The following SUGCT variants were observed in gnomAD, a reference collection of about 807,000 sequenced individuals.
The protein encoded by SUGCT is succinyl-CoA:glutarate CoA-transferase.
A neutral mutation model predicts 55.0 loss-of-function variants in SUGCT; 41 were observed. The observed-to-expected ratio is 0.74, with a 90% CI of 0.58 to 0.97. The LOEUF (loss-of-function observed/expected upper bound fraction) is 0.97, where lower values mean the gene tolerates loss of function less well. Among genes scored for constraint, SUGCT ranks in the 50% least tolerant of loss-of-function variants. The pLI, the probability that SUGCT is intolerant of heterozygous loss-of-function variation, is 0.00. For missense variants in SUGCT, 568 were observed against 547.8 expected, an observed-to-expected ratio of 1.04 and a Z score of -0.37; for synonymous variants, 187 against 200.4, an observed-to-expected ratio of 0.93 and a Z score of 0.56.
chr7:40,430,542 T>C lies in SUGCT; in HGVS notation c.817-18745T>C, dbSNP rs28788189. On this transcript the variant is annotated intron_variant, in intron 9 of 13. Coordinates refer to ENST00000335693, the MANE Select transcript of SUGCT (RefSeq NM_001193313.2). ...TTCCATTATTGAGTTGCGTGAACTC[T>C]TTATCAATTTTAGATCTTAACCTCT... 3.8e-3 allele frequency among the ~76,000 whole-genome samples: 574 copies of C among 152,298 alleles called. 4 individuals are homozygous for C. The highest frequency in any genetic ancestry group is 0.013 in the African/African-American group (546 of 41,572).
the SUGCT span, among the ~76,000 whole-genome samples, chr7:40,924,139 C>T: frequency 1.3e-5 from 2 of 152,178 alleles, no homozygotes; most frequent in African/African-American, 4.8e-5. Flanking sequence ...ACTTTCCAGC[C>T]TCCAGAACTG....
intron 1 of SUGCT, among the ~76,000 whole-genome samples, chr7:40,171,740 G>A (rs1005172073): frequency 5.3e-5 from 8 of 152,180 alleles, no homozygotes; most frequent in East Asian, 1.9e-4. Context: ...TGGGCCATCC[G>A]CAGGTTAGTG....
At chr7:40,633,021 A>G (rs1268315399) in intron 12 of SUGCT, among the ~76,000 whole-genome samples, 5 of 152,224 alleles carry the variant, frequency 3.3e-5, no homozygotes, top group African/African-American at 1.2e-4. Flanking sequence ...TTATGGGAAC[A>G]CAATATGTGC....
At chr7:40,910,767 C>T in the SUGCT span, among the ~76,000 whole-genome samples, 1 of 152,198 alleles carries the variant, frequency 6.6e-6, no homozygotes, top group African/African-American at 2.4e-5. Flanking sequence ...CTATACCTCT[C>T]TATGACCAGC....
intron 8 of SUGCT, among the ~76,000 whole-genome samples, chr7:40,307,447 T>C (rs1225701662): frequency 6.6e-6 from 1 of 152,168 alleles, no homozygotes; most frequent in East Asian, 1.9e-4. Flanking sequence ...TGATTCTGTA[T>C]CTAGTGTAGA....
intron 12 of SUGCT, among the ~76,000 whole-genome samples, chr7:40,696,679 C>T (rs1435425274): frequency 1.3e-5 from 2 of 152,196 alleles, no homozygotes; most frequent in Non-Finnish European, 2.9e-5. Flanking sequence ...GTCTCTTTCT[C>T]TCCTGACTGT....
At chr7:40,763,363 G>T (rs1788631938) in intron 13 of SUGCT, among the ~76,000 whole-genome samples, 1 of 152,118 alleles carries the variant, frequency 6.6e-6, no homozygotes, top group Non-Finnish European at 1.5e-5. Flanking sequence ...GCCCGAGGAA[G>T]GTCACATAAC....
the SUGCT span, among the ~76,000 whole-genome samples, chr7:40,946,588 T>G: frequency 6.6e-6 from 1 of 152,232 alleles, no homozygotes; most frequent in African/African-American, 2.4e-5. Flanking sequence ...TTTATTTCAT[T>G]CTAAAGGGCT....
chr7:40,444,732 T>G (rs2151419885), intron 9 of SUGCT, among the ~76,000 whole-genome samples: 1 of 152,308 alleles, frequency 6.6e-6, no homozygotes, highest in East Asian at 1.9e-4. Flanking sequence ...TCTTGCCTGA[T>G]TGCCCTGGCC....
chr7:40,679,104 C>G (rs374031372), intron 12 of SUGCT, among the ~76,000 whole-genome samples: 21 of 152,288 alleles, frequency 1.4e-4, no homozygotes, highest in African/African-American at 5.1e-4. Flanking sequence ...CATTGGGCTT[C>G]CCATATTCTT....
chr7:40,384,933 A>G (rs1420633165), intron 9 of SUGCT, among the ~76,000 whole-genome samples: 1 of 152,180 alleles, frequency 6.6e-6, no homozygotes, highest in East Asian at 1.9e-4. Context: ...GTAAACAAAG[A>G]TAGGCTCTTT....
chr7:40,135,216 C>T (rs1046656885), intron 1 of SUGCT, 96 bp downstream of exon 1: 2 of 1,367,714 alleles, frequency 1.5e-6, no homozygotes, highest in East Asian at 5.7e-5. Flanking sequence ...TCTGAAGTCT[C>T]TGCTGACCCC....
intron 6 of SUGCT, among the ~76,000 whole-genome samples, chr7:40,219,424 A>C (rs1224475991): frequency 6.6e-6 from 1 of 152,232 alleles, no homozygotes. Flanking sequence ...TGCTCTTTGG[A>C]GAAGAAATAC....
At chr7:40,433,727 A>G (rs1359049999) in intron 9 of SUGCT, among the ~76,000 whole-genome samples, 2 of 152,342 alleles carry the variant, frequency 1.3e-5, no homozygotes, top group Admixed American at 1.3e-4. Context: ...AATAGAAATT[A>G]AACGTATCTA....
In SUGCT at chr7:40,245,450, T is replaced by TTTA. The variant is rs1554295556; in HGVS notation, c.576+7726_576+7727insATT. 2.0e-3 allele frequency among the ~76,000 whole-genome samples: 164 copies of TTTA among 82,776 alleles called. 4 individuals carry two copies. Among genetic ancestry groups the TTTA allele is most frequent in the Non-Finnish European group, 2.8e-3 (129 of 45,358 alleles). 54.3% of individuals were successfully genotyped at this position (82,776 alleles called of 152,430 possible). A position where few individuals can be genotyped will look rare whatever the true frequency, so the allele number is the denominator to read the frequency against. ...TTTTTTTTTTTTTTTTTTTTTTTTT[T>TTTA]TTTTTTTGAGATGGAGTCTCGCTCT... On this transcript the variant is annotated intron_variant, in intron 7 of 13. Transcript: ENST00000335693.
intron 12 of SUGCT, among the ~76,000 whole-genome samples, chr7:40,558,447 A>C (rs1795670896): frequency 1.3e-5 from 2 of 152,238 alleles, no homozygotes; most frequent in South Asian, 4.1e-4. Flanking sequence ...TGGAATTCTG[A>C]TATATTTTGC....
chr7:40,417,159 G>T (rs1429437062), intron 9 of SUGCT, among the ~76,000 whole-genome samples: 1 of 151,616 alleles, frequency 6.6e-6, no homozygotes, highest in Non-Finnish European at 1.5e-5. Flanking sequence ...GAGAATTTTT[G>T]CATTTTATTC....
chr7:40,262,111 G>A (rs910554604), intron 7 of SUGCT, among the ~76,000 whole-genome samples: 5 of 152,180 alleles, frequency 3.3e-5, no homozygotes, highest in African/African-American at 1.2e-4. Context: ...CAAGAAAATA[G>A]TGTGATCGAA....
At chr7:40,739,630 TACACA>T in intron 12 of SUGCT, among the ~76,000 whole-genome samples, 1 of 152,200 alleles carries the variant, frequency 6.6e-6, no homozygotes, top group South Asian at 2.1e-4. Context: ...CCAGCTCCAG[TACACA>T]TGTTTCAGTG....
Sources: allele counts gnomAD v4.1 joint callset (sites outside exome capture counted in the v4.1 genomes callset), GRCh38; gene constraint gnomAD v4.1.1; transcripts MANE v1.5; gene names NCBI Gene and HGNC (gene_info 2026-07-23, HGNC 2026-07-21).